MRPL42: variants seen among roughly 807,000 people sequenced by gnomAD.
MRPL42 encodes the protein large ribosomal subunit protein mL42.
A neutral mutation model predicts 17.9 loss-of-function variants in MRPL42; 17 were observed. That is an observed-to-expected ratio of 0.95 (90% CI 0.65 to 1.42). The LOEUF is 1.42. Among genes scored for constraint, MRPL42 ranks in the 40% most tolerant of loss-of-function variants. MRPL42 has a pLI of 0.00. For synonymous variants in MRPL42, 59 were observed against 54.4 expected (o/e 1.08, Z -0.37); for missense variants, 177 against 175.2 (o/e 1.01, Z -0.06).
At chr12:93,476,754 G>A (rs1880201565) in intron 2 of MRPL42, among the ~76,000 whole-genome samples, 200 bp from the exon 3 acceptor site, 1 of 152,152 alleles carries the variant, frequency 6.6e-6, no homozygotes, top group Admixed American at 6.5e-5. Flanking sequence ...GTAATTGTTT[G>A]TCTGTCTCTC....
At chr12:93,499,689 T>C (rs1214302284) in intron 5 of MRPL42, among the ~76,000 whole-genome samples, 21 of 152,216 alleles carry the variant, frequency 1.4e-4, no homozygotes, top group Non-Finnish European at 2.8e-4. Context: ...TGTGTGTATT[T>C]TTTGACAGCT....
At chr12:93,487,783 AC>A (rs1953333480) in intron 5 of MRPL42, 123 bp downstream of exon 5, 1 of 884,840 alleles carries the variant, frequency 1.1e-6, no homozygotes, top group Admixed American at 2.6e-5. Flanking sequence ...AAGTAGAATC[AC>A]CTACTATGTT....
At chr12:93,479,871 CA>C (rs1565811807) in intron 4 of MRPL42, among the ~76,000 whole-genome samples, 2 of 91,138 alleles carry the variant, frequency 2.2e-5, no homozygotes, top group African/African-American at 7.5e-5. Flanking sequence ...TTGGTTCTGA[CA>C]GTTTTTTTTT....
chr12:93,487,425 T>G (rs1880797468), intron 4 of MRPL42, 72 bp from the exon 5 acceptor site: 1 of 1,384,350 alleles, frequency 7.2e-7, no homozygotes, highest in Non-Finnish European at 1.0e-6. Flanking sequence ...GTAATTGTTT[T>G]ATTGTGATCT....
rs912164993 is a variant in MRPL42, at chr12:93,502,008, C to G, written c.*787C>G. On this transcript the variant is annotated 3_prime_UTR_variant, in exon 6 of 6. Transcript: ENST00000549982. ...CATTTTACAGTGACTCGAACCTTAC[C>G]CAAACAAGTGGGAGAGCCAGGAGCC... 6.6e-6 allele frequency: 1 copy of G among 150,448 alleles called. No individual in the cohort carries two copies. The highest frequency in any genetic ancestry group is 2.4e-5 in the African/African-American group (1 of 41,220). 9.3% of individuals were successfully genotyped at this position (150,448 alleles called of 1,614,324 possible).
rs1953757242 is a variant in MRPL42 at position 93,514,270 on chromosome 12, C to G, written c.*13049C>G. ...TCCAATAATGATTGGACAGTTTTCT[C>G]CCTCTGCTTTTTCTTTCTTTCTTTC... On this transcript the variant is annotated 3_prime_UTR_variant, in exon 6 of 6. Transcript: ENST00000549982. 6.6e-6 allele frequency: 1 copy of G among 150,700 alleles called. No homozygotes were observed. The highest frequency in any genetic ancestry group is 2.4e-5 in the African/African-American group (1 of 40,992). 9.3% of individuals were successfully genotyped at this position (150,700 alleles called of 1,614,324 possible). A position where few individuals can be genotyped will look rare whatever the true frequency, so the allele number is the denominator to read the frequency against.
At chr12:93,479,873 G>GTTT (rs35216714) in intron 4 of MRPL42, among the ~76,000 whole-genome samples, 1 of 140,956 alleles carries the variant, frequency 7.1e-6, no homozygotes, top group African/African-American at 2.6e-5. Flanking sequence ...GGTTCTGACA[G>GTTT]TTTTTTTTTT....
Position 93,490,504 on chromosome 12 carries a change from A to G in MRPL42, c.383+2844A>G, listed in dbSNP as rs118012606. Among the ~76,000 whole-genome samples the G allele has an allele frequency of 1.8e-4, 28 of 152,354 alleles. No homozygotes were observed. The East Asian group carries it at 5.0e-3, about 27-fold the overall frequency. ...TCCTTGTAGATGTATCATCTTGCTG[A>G]ATTTTAAATATGCCTATGTGTCATC... On this transcript the variant is annotated intron_variant, in intron 5 of 5. Coordinates refer to ENST00000549982, the MANE Select transcript of MRPL42 (RefSeq NM_014050.4).
intron 5 of MRPL42, among the ~76,000 whole-genome samples, chr12:93,491,255 T>G (rs1321630341): frequency 6.6e-6 from 1 of 152,206 alleles, no homozygotes; most frequent in Admixed American, 6.5e-5. Flanking sequence ...AAAATAGAAG[T>G]GTTCTCTATT....
intron 5 of MRPL42, among the ~76,000 whole-genome samples, chr12:93,496,716 G>C (rs1487058024): frequency 1.1e-5 from 1 of 88,546 alleles, no homozygotes; most frequent in Admixed American, 1.4e-4. Context: ...TAAAAATAAA[G>C]ACAGCCAGGT....
At chr12:93,496,345 C>T (rs917157323) in intron 5 of MRPL42, among the ~76,000 whole-genome samples, 1 of 152,048 alleles carries the variant, frequency 6.6e-6, no homozygotes, top group African/African-American at 2.4e-5. Context: ...AAGCATGAGC[C>T]ACCACGCCCA....
intron 2 of MRPL42, chr12:93,470,451 G>A (rs1879853653): frequency 7.9e-7 from 1 of 1,271,808 alleles, no homozygotes; most frequent in Non-Finnish European, 1.0e-6. Context: ...ATTAAACTAT[G>A]TGAGCCAACT....
In MRPL42 at chr12:93,490,542, A is replaced by G. The variant is rs74650220; in HGVS notation, c.383+2882A>G. On this transcript the variant is annotated intron_variant, in intron 5 of 5. Coordinates refer to ENST00000549982, the MANE Select transcript of MRPL42 (RefSeq NM_014050.4). ...CCTATGTGTCATCACTTATCATTCA[A>G]CACATATTTATTTGATATCTACATA... Among the ~76,000 whole-genome samples the G allele has an allele frequency of 5.1e-3, 780 of 152,344 alleles. 4 individuals carry two copies. The highest frequency in any genetic ancestry group is 8.2e-3 in the Non-Finnish European group (559 of 68,030).
At chr12:93,486,951 A>G (rs1258108452) in intron 4 of MRPL42, among the ~76,000 whole-genome samples, 4 of 152,072 alleles carry the variant, frequency 2.6e-5, no homozygotes, top group African/African-American at 9.7e-5. Flanking sequence ...GGCATGAGCC[A>G]CCACACCCGG....
chr12:93,485,652 A>T (rs1190320105), intron 4 of MRPL42, among the ~76,000 whole-genome samples: 1 of 152,306 alleles, frequency 6.6e-6, no homozygotes, highest in South Asian at 2.1e-4. Flanking sequence ...AGGCAGTGTT[A>T]CAATCTTGTT....
intron 1 of MRPL42, among the ~76,000 whole-genome samples, chr12:93,468,431 T>C (rs1879745403): frequency 1.3e-5 from 2 of 152,230 alleles, no homozygotes; most frequent in Non-Finnish European, 2.9e-5. Flanking sequence ...TTGGAGAAAC[T>C]GAGGATCGTT....
intron 2 of MRPL42, among the ~76,000 whole-genome samples, chr12:93,472,722 T>C (rs1381941394): frequency 6.6e-6 from 1 of 152,220 alleles, no homozygotes; most frequent in African/African-American, 2.4e-5. Context: ...AAGCCTTCCT[T>C]ATATTCTAGA....
At chr12:93,476,262 C>T (rs190834888) in intron 2 of MRPL42, among the ~76,000 whole-genome samples, 69 of 152,264 alleles carry the variant, frequency 4.5e-4, no homozygotes, top group Admixed American at 1.0e-3. Flanking sequence ...TCTCAGCTCA[C>T]TGCAAACTCC....
intron 2 of MRPL42, among the ~76,000 whole-genome samples, chr12:93,475,288 G>C (rs1348835703): frequency 6.6e-6 from 1 of 151,766 alleles, no homozygotes; most frequent in African/African-American, 2.4e-5. Flanking sequence ...CTAATTTTTT[G>C]TATTTTTAAT....
Sources: allele counts gnomAD v4.1 joint callset (sites outside exome capture counted in the v4.1 genomes callset), GRCh38; gene constraint gnomAD v4.1.1; transcripts MANE v1.5; gene names NCBI Gene and HGNC (gene_info 2026-07-23, HGNC 2026-07-21).